The following TBL1X variants were observed in gnomAD, a reference collection of about 807,000 sequenced individuals.
TBL1X encodes F-box-like/WD repeat-containing protein TBL1X.
A neutral mutation model predicts 50.7 loss-of-function variants in TBL1X; 10 were observed. That is an observed-to-expected ratio of 0.20 (90% confidence interval 0.12 to 0.33). The LOEUF (loss-of-function observed/expected upper bound fraction) is 0.33. TBL1X is among the 10% of genes least tolerant of loss of function. The pLI is 1.00. For missense variants in TBL1X, 340 were observed against 504.4 expected, an observed-to-expected ratio of 0.67 and a Z score of 3.12; for synonymous variants, 190 against 214.7, an observed-to-expected ratio of 0.88 and a Z score of 1.01.
chrX:9,522,038 G>C (rs2082109767), intron 2 of TBL1X, among the ~76,000 whole-genome samples: 1 of 93,954 alleles, frequency 1.1e-5, no homozygotes, highest in South Asian at 5.3e-4. Context: ...TTTTCCCTGA[G>C]ATGGGGTCTC....
chrX:9,515,781 G>C (rs773649922), intron 2 of TBL1X, among the ~76,000 whole-genome samples: 2 of 111,739 alleles, frequency 1.8e-5, no homozygotes, highest in Non-Finnish European at 3.8e-5. Context: ...AGAGGCTTTT[G>C]GGCTAAACGA....
intron 2 of TBL1X, among the ~76,000 whole-genome samples, chrX:9,541,812 A>G (rs959216385): frequency 5.4e-5 from 6 of 111,673 alleles, no homozygotes; most frequent in Non-Finnish European, 7.5e-5. Context: ...GACCCTCGCT[A>G]GGATTTGAGG....
At chrX:9,568,293 G>T (rs751656240) in intron 2 of TBL1X, among the ~76,000 whole-genome samples, 1 of 110,352 alleles carries the variant, frequency 9.1e-6, no homozygotes, top group East Asian at 2.9e-4. Flanking sequence ...GTGTCTGTCT[G>T]TACTGTGTGT....
chrX:9,526,227 G>T (rs1193251199), intron 2 of TBL1X, among the ~76,000 whole-genome samples: 1 of 111,653 alleles, frequency 9.0e-6, no homozygotes, highest in African/African-American at 3.3e-5. Context: ...ACTCAGTGAA[G>T]TCTGGCTCTC....
intron 12 of TBL1X, among the ~76,000 whole-genome samples, chrX:9,700,402 T>C (rs1251862083): frequency 8.9e-6 from 1 of 111,909 alleles, no homozygotes; most frequent in East Asian, 2.8e-4. Context: ...TTTCCCAAAG[T>C]GTCCCCAGGC....
intron 5 of TBL1X, among the ~76,000 whole-genome samples, chrX:9,672,832 G>A (rs73188227): frequency 0.22 from 25,043 of 111,730 alleles, 2,169 homozygotes; most frequent in African/African-American, 0.28. Flanking sequence ...CCTCTATCCT[G>A]TGATTATGTC....
In TBL1X at chrX:9,588,507, T is replaced by G. The variant is rs184337593; in HGVS notation, c.-130-51766T>G. ...CCACAGGATCAGTATTTCTGAAGTT[T>G]CCTTTTGCCTCAGGATCCAGTATGG... On this transcript the variant is annotated intron_variant, in intron 2 of 17. Transcript: ENST00000645353. Among the ~76,000 whole-genome samples the G allele has an allele frequency of 8.9e-5, 10 of 112,105 alleles. No homozygotes were observed. In the Admixed American group the frequency reaches 9.4e-4, roughly 11 times the overall value.
At chrX:9,546,330 C>T (rs1274303609) in intron 2 of TBL1X, among the ~76,000 whole-genome samples, 3 of 111,689 alleles carry the variant, frequency 2.7e-5, no homozygotes, top group Admixed American at 9.5e-5. Context: ...CTGGCTAACA[C>T]AGTGAAACCC....
chrX:9,524,186 T>C (rs2082121323), intron 2 of TBL1X, among the ~76,000 whole-genome samples: 1 of 111,265 alleles, frequency 9.0e-6, no homozygotes, highest in Non-Finnish European at 1.9e-5. Context: ...CAGGCTGGTC[T>C]CAAACTCCTG....
chrX:9,612,080 A>G (rs751952430), intron 2 of TBL1X, among the ~76,000 whole-genome samples: 1 of 113,116 alleles, frequency 8.8e-6, no homozygotes, highest in East Asian at 2.8e-4. Flanking sequence ...CAGAACCTAC[A>G]GTAATTCACT....
chrX:9,649,964 AT>A (rs1192560044), intron 3 of TBL1X, among the ~76,000 whole-genome samples: 1 of 111,285 alleles, frequency 9.0e-6, no homozygotes, highest in Non-Finnish European at 1.9e-5. Context: ...AATTTTTAAA[AT>A]TTTTTTGTAG....
intron 16 of TBL1X, among the ~76,000 whole-genome samples, chrX:9,713,969 CTTTTTT>C: frequency 9.0e-6 from 1 of 110,910 alleles, no homozygotes; most frequent in Middle Eastern, 4.3e-3. Context: ...CTCTTTCTCT[CTTTTTT>C]ATTTTTTAAA....
intron 2 of TBL1X, among the ~76,000 whole-genome samples, chrX:9,606,900 A>G (rs977321456): frequency 1.8e-5 from 2 of 112,181 alleles, no homozygotes; most frequent in African/African-American, 6.5e-5. Flanking sequence ...GCCTCAAGAC[A>G]TATAGGAAAT....
rs2146652923 is a variant in TBL1X at position 9,705,127 on chromosome X, T to C, written c.1236+13T>C. 3 of 1,211,845 alleles carry C rather than the reference T, an allele frequency of 2.5e-6. No individual in the cohort carries two copies. In the East Asian group the frequency reaches 8.9e-5, roughly 36 times the overall value. ...CCAGGGACACACAGTAAGTGAGAGC[T>C]CTTGTCACTGGTCTCGAGTTTGTGA... On this transcript the variant is annotated intron_variant, in intron 13 of 17. Transcript: ENST00000645353.
chrX:9,710,143 G>C (rs1313003405), intron 15 of TBL1X, among the ~76,000 whole-genome samples: 1 of 89,945 alleles, frequency 1.1e-5, no homozygotes, highest in African/African-American at 4.1e-5. Context: ...CTTGAGCCCA[G>C]GAGATTGAGG....
At chrX:9,673,029 A>G (rs2082969635) in intron 5 of TBL1X, among the ~76,000 whole-genome samples, 1 of 111,829 alleles carries the variant, frequency 8.9e-6, no homozygotes, top group Non-Finnish European at 1.9e-5. Flanking sequence ...GGAAGAGGCA[A>G]GGGAGCTCTC....
chrX:9,675,164 G>A (rs2082985785), intron 5 of TBL1X, among the ~76,000 whole-genome samples: 1 of 112,160 alleles, frequency 8.9e-6, no homozygotes, highest in Non-Finnish European at 1.9e-5. Flanking sequence ...AGCAGCTTGA[G>A]AAAGGGCATA....
intron 2 of TBL1X, among the ~76,000 whole-genome samples, chrX:9,525,163 A>G (rs1690656931): frequency 9.0e-6 from 1 of 111,100 alleles, no homozygotes; most frequent in Admixed American, 9.6e-5. Flanking sequence ...GATTTCTCTC[A>G]GTGGTGAGAA....
At chrX:9,608,476 C>T (rs2082595244) in intron 2 of TBL1X, among the ~76,000 whole-genome samples, 1 of 111,709 alleles carries the variant, frequency 9.0e-6, no homozygotes, top group Admixed American at 9.5e-5. Context: ...GACAGGGATC[C>T]TTTATTCCTA....
Sources: allele counts gnomAD v4.1 joint callset (sites outside exome capture counted in the v4.1 genomes callset), GRCh38; gene constraint gnomAD v4.1.1; transcripts MANE v1.5; gene names NCBI Gene and HGNC (gene_info 2026-07-23, HGNC 2026-07-21).